CSNK1G3: variants seen among roughly 807,000 people sequenced by gnomAD.
CSNK1G3 encodes the protein casein kinase I isoform gamma-3.
In CSNK1G3, 23 loss-of-function variants were observed where a neutral mutation model predicts 64.3. That is an observed-to-expected ratio of 0.36 (90% CI 0.26 to 0.51). CSNK1G3 has a LOEUF of 0.51. Ranked by LOEUF, CSNK1G3 falls within the 20% of genes least tolerant of loss-of-function variation. The pLI is 0.96. For synonymous variants in CSNK1G3, 158 were observed against 162.2 expected, an observed-to-expected ratio of 0.97 and a Z score of 0.20; for missense variants, 357 against 510.5, an observed-to-expected ratio of 0.70 and a Z score of 2.90.
chr5:123,608,729 G>A (rs1795792118), intron 12 of CSNK1G3, among the ~76,000 whole-genome samples: 1 of 152,070 alleles, frequency 6.6e-6, no homozygotes. Context: ...TTTTAAAGAT[G>A]TACTAATACT....
chr5:123,524,122 T>C (rs1433248319), intron 1 of CSNK1G3, among the ~76,000 whole-genome samples: 2 of 152,226 alleles, frequency 1.3e-5, no homozygotes, highest in Non-Finnish European at 2.9e-5. Flanking sequence ...CTAGTAAATT[T>C]CTTCTGCCTT....
intron 6 of CSNK1G3, among the ~76,000 whole-genome samples, chr5:123,583,385 A>T: frequency 1.5e-5 from 2 of 135,166 alleles, no homozygotes; most frequent in Admixed American, 7.8e-5. Flanking sequence ...TTTGAGACTG[A>T]GTTTCGCTCT....
At chr5:123,600,620 A>G (rs1794301955) in intron 10 of CSNK1G3, among the ~76,000 whole-genome samples, 1 of 150,324 alleles carries the variant, frequency 6.7e-6, no homozygotes, top group African/African-American at 2.5e-5. Context: ...ATAAGATGCC[A>G]TTTCAAAAAA....
chr5:123,590,399 A>T lies in CSNK1G3; in HGVS notation c.845-14A>T. ...AAAGTATAGTCCAAATAATTTTTAT[A>T]TTATTTCTAGAAGAAATGGCAACAT... is the stretch of plus-strand genomic sequence containing the variant. On this transcript the variant is annotated splice_polypyrimidine_tract_variant and intron_variant, in intron 8 of 12. Transcript: ENST00000345990. 7.4e-7 allele frequency: 1 copy of T among 1,349,264 alleles called. No individual in the cohort carries two copies. The highest frequency in any genetic ancestry group is 9.9e-7 in the Non-Finnish European group (1 of 1,012,624). The allele number at this position is 1,349,264 out of a possible 1,614,324, so 83.6% of individuals were successfully genotyped here.
intron 10 of CSNK1G3, among the ~76,000 whole-genome samples, chr5:123,602,234 A>C (rs1021801289): frequency 1.3e-5 from 2 of 152,134 alleles, no homozygotes; most frequent in African/African-American, 4.8e-5. Context: ...GTTCATTTCT[A>C]AGTACTTATT....
intron 12 of CSNK1G3, among the ~76,000 whole-genome samples, chr5:123,610,053 T>C (rs1796049959): frequency 6.6e-6 from 1 of 152,084 alleles, no homozygotes; most frequent in South Asian, 2.1e-4. Context: ...TGGGAAAATT[T>C]TGAAAGTCAT....
chr5:123,600,731 CAAT>C (rs369724281), intron 10 of CSNK1G3, among the ~76,000 whole-genome samples: 4 of 151,724 alleles, frequency 2.6e-5, no homozygotes, highest in African/African-American at 9.7e-5. Flanking sequence ...AAATCATTGA[CAAT>C]AAAAATACTA....
At chr5:123,535,732 G>C (rs1421094774) in intron 1 of CSNK1G3, among the ~76,000 whole-genome samples, 1 of 151,890 alleles carries the variant, frequency 6.6e-6, no homozygotes, top group Admixed American at 6.6e-5. Flanking sequence ...CATTTTCACT[G>C]ATTTCTTGTC....
chr5:123,593,387 A>G (rs1792810664), intron 10 of CSNK1G3, among the ~76,000 whole-genome samples: 1 of 152,038 alleles, frequency 6.6e-6, no homozygotes, highest in South Asian at 2.1e-4. Flanking sequence ...CAAGAAACCC[A>G]CAGTTCACAA....
chr5:123,583,701 A>G (rs1427181871), intron 6 of CSNK1G3, among the ~76,000 whole-genome samples: 8 of 151,202 alleles, frequency 5.3e-5, no homozygotes, highest in Non-Finnish European at 1.0e-4. Flanking sequence ...TTTTGTAGAG[A>G]CAGGGTCTTG....
chr5:123,536,688 CAAAT>C (rs1291927724), intron 1 of CSNK1G3, among the ~76,000 whole-genome samples: 3 of 151,696 alleles, frequency 2.0e-5, no homozygotes, highest in Non-Finnish European at 2.9e-5. Context: ...AATTATATGT[CAAAT>C]AAAACTTCTA....
exon 13 of CSNK1G3, chr5:123,614,560 C>CTTT (rs199591283): frequency 3.4e-5 from 14 of 413,478 alleles, no homozygotes; most frequent in South Asian, 2.1e-4. Context: ...CATTCTTTTT[C>CTTT]TTTTTTTTTT....
chr5:123,556,784 GT>G (rs1784711413), intron 3 of CSNK1G3, among the ~76,000 whole-genome samples: 1 of 150,086 alleles, frequency 6.7e-6, no homozygotes, highest in Non-Finnish European at 1.5e-5. Context: ...GTGTGTGTGT[GT>G]GTGTGTGGTG....
At chr5:123,551,304 T>G (rs1419230558) in intron 2 of CSNK1G3, among the ~76,000 whole-genome samples, 1 of 152,186 alleles carries the variant, frequency 6.6e-6, no homozygotes, top group African/African-American at 2.4e-5. Flanking sequence ...TCATAATGCA[T>G]TTTTGAAAAT....
At chr5:123,573,523 C>T (rs1164890999) in exon 5 of CSNK1G3, 1 of 1,611,184 alleles carries the variant, frequency 6.2e-7, no homozygotes. Context: ...AAACAGTTCT[C>T]ATGATAGCTA....
intron 12 of CSNK1G3, among the ~76,000 whole-genome samples, chr5:123,611,784 A>G (rs1390847557): frequency 1.3e-5 from 2 of 152,216 alleles, no homozygotes; most frequent in African/African-American, 4.8e-5. Flanking sequence ...CCATTGAAAT[A>G]TGGCCATATT....
intron 5 of CSNK1G3, among the ~76,000 whole-genome samples, chr5:123,574,908 A>G (rs1481629459): frequency 6.6e-6 from 1 of 152,208 alleles, no homozygotes; most frequent in East Asian, 1.9e-4. Context: ...AAATGCTCAT[A>G]TCATTAATTA....
At chr5:123,554,752 G>C (rs957705767) in intron 3 of CSNK1G3, among the ~76,000 whole-genome samples, 3 of 152,248 alleles carry the variant, frequency 2.0e-5, no homozygotes, top group African/African-American at 7.2e-5. Flanking sequence ...AAGTGTGGCA[G>C]TGTTTACAGT....
chr5:123,606,286 C>T (rs1795353596), intron 12 of CSNK1G3, among the ~76,000 whole-genome samples: 1 of 151,950 alleles, frequency 6.6e-6, no homozygotes, highest in South Asian at 2.1e-4. Flanking sequence ...TTATGAACTA[C>T]AGAAATAAAT....
Sources: allele counts gnomAD v4.1 joint callset (sites outside exome capture counted in the v4.1 genomes callset), GRCh38; gene constraint gnomAD v4.1.1; transcripts MANE v1.5; gene names NCBI Gene and HGNC (gene_info 2026-07-23, HGNC 2026-07-21).